The following DPP10 variants were observed in gnomAD, a reference collection of about 807,000 sequenced individuals.
DPP10 encodes dipeptidyl peptidase like 10, also known as inactive dipeptidyl peptidase 10.
Under a neutral mutation model 120.9 loss-of-function variants are expected in DPP10, and 33 were observed. That is an observed-to-expected ratio of 0.27 (90% CI 0.21 to 0.37). The LOEUF is 0.37. DPP10 is among the 10% of genes least tolerant of loss of function. The probability of loss-of-function intolerance (pLI) is 1.00; values close to 1 mark genes in which losing one functional copy is unlikely to be tolerated. For synonymous variants in DPP10, 337 were observed against 326.1 expected (o/e 1.03, Z -0.36); for missense variants, 816 against 942.8 (o/e 0.87, Z 1.76).
At chr2:115,587,243 T>G (rs1005820818) in intron 5 of DPP10, among the ~76,000 whole-genome samples, 12 of 151,880 alleles carry the variant, frequency 7.9e-5, no homozygotes, top group African/African-American at 2.9e-4. Flanking sequence ...GACAACAGGC[T>G]CCCGCGACCA....
chr2:115,486,444 T>A (rs1203951169), intron 3 of DPP10, among the ~76,000 whole-genome samples: 1 of 152,176 alleles, frequency 6.6e-6, no homozygotes, highest in Non-Finnish European at 1.5e-5. Flanking sequence ...TCTGCATGTA[T>A]CACTGCAGTG....
intron 1 of DPP10, among the ~76,000 whole-genome samples, chr2:114,925,142 C>T (rs1395626402): frequency 2.8e-5 from 4 of 141,650 alleles, no homozygotes; most frequent in Admixed American, 7.6e-5. Flanking sequence ...ACCTAGGAGG[C>T]AGAGGCTGCA....
intron 3 of DPP10, among the ~76,000 whole-genome samples, chr2:115,411,733 A>C (rs1275299219): frequency 6.6e-6 from 1 of 152,214 alleles, no homozygotes; most frequent in East Asian, 1.9e-4. Context: ...AGATTTTCAG[A>C]AAGTTCCTGG....
At chr2:114,568,447 A>G (rs1689380500) in intron 1 of DPP10, among the ~76,000 whole-genome samples, 2 of 152,212 alleles carry the variant, frequency 1.3e-5, no homozygotes, top group Admixed American at 6.5e-5. Flanking sequence ...CGAAGTACAC[A>G]GAGAATGCAA....
intron 1 of DPP10, among the ~76,000 whole-genome samples, chr2:114,941,256 A>G (rs1208223862): frequency 6.6e-6 from 1 of 152,172 alleles, no homozygotes; most frequent in African/African-American, 2.4e-5. Context: ...CTTAGGTACC[A>G]ATCTTGTTGT....
chr2:115,798,804 A>T lies in DPP10; in HGVS notation c.1700+7448A>T, dbSNP rs114902525. Among the ~76,000 whole-genome samples the T allele has an allele frequency of 2.7e-3, 416 of 152,208 alleles. 3 individuals carry two copies. Among genetic ancestry groups the T allele is most frequent in the African/African-American group, 9.8e-3 (406 of 41,554 alleles). On this transcript the variant is annotated intron_variant, in intron 19 of 25. Coordinates refer to ENST00000410059, the MANE Select transcript of DPP10 (RefSeq NM_020868.6). ...TTGGAATCATTCAGTCATTTTCAGC[A>T]TTGGACTTTAGCACTTGTTCTTCCT...
At chr2:114,663,656 TATATATATATATAG>T (rs1282433171) in intron 1 of DPP10, among the ~76,000 whole-genome samples, 1 of 95,098 alleles carries the variant, frequency 1.1e-5, no homozygotes, top group Admixed American at 9.5e-5. Context: ...TATATATATA[TATATATATATATAG>T]AGAGAGAGAG....
At chr2:115,450,299 T>C (rs1234032038) in intron 3 of DPP10, among the ~76,000 whole-genome samples, 1 of 151,974 alleles carries the variant, frequency 6.6e-6, no homozygotes, top group Admixed American at 6.6e-5. Flanking sequence ...TGGAAAAAGA[T>C]AAAAATTCAA....
chr2:114,899,898 G>T (rs1337276093), intron 1 of DPP10, among the ~76,000 whole-genome samples: 5 of 152,136 alleles, frequency 3.3e-5, no homozygotes, highest in Admixed American at 6.5e-5. Flanking sequence ...AGGTGGAGCT[G>T]GCAGTGAGCC....
intron 1 of DPP10, among the ~76,000 whole-genome samples, chr2:114,823,272 C>T (rs544340859): frequency 3.9e-5 from 6 of 152,158 alleles, no homozygotes; most frequent in African/African-American, 7.2e-5. Context: ...CCAAACAAAA[C>T]GGGAAGCCCT....
At chr2:115,544,913 T>G (rs1029896309) in intron 5 of DPP10, among the ~76,000 whole-genome samples, 1 of 152,116 alleles carries the variant, frequency 6.6e-6, no homozygotes, top group Admixed American at 6.6e-5. Context: ...AGAGGCTGTT[T>G]ATCCTCAGAA....
At chr2:115,004,511 G>A (rs1701671489) in intron 1 of DPP10, among the ~76,000 whole-genome samples, 1 of 152,164 alleles carries the variant, frequency 6.6e-6, no homozygotes, top group South Asian at 2.1e-4. Context: ...GTGGGTGCGT[G>A]CACCGTGCGC....
At chr2:115,043,220 A>G (rs968998142) in intron 1 of DPP10, among the ~76,000 whole-genome samples, 1 of 152,236 alleles carries the variant, frequency 6.6e-6, no homozygotes, top group South Asian at 2.1e-4. Flanking sequence ...TCTTTAAAAT[A>G]TAATGTAATG....
At chr2:115,800,766 G>A (rs1014835389) in intron 19 of DPP10, among the ~76,000 whole-genome samples, 7 of 152,086 alleles carry the variant, frequency 4.6e-5, no homozygotes, top group African/African-American at 1.7e-4. Flanking sequence ...CATTATTTCT[G>A]AGGCTCTGTT....
At chr2:115,002,859 T>C (rs116658648) in intron 1 of DPP10, among the ~76,000 whole-genome samples, 79 of 152,052 alleles carry the variant, frequency 5.2e-4, no homozygotes, top group African/African-American at 1.9e-3. Flanking sequence ...AGTCAAAAAT[T>C]AACAGATGCT....
At chr2:115,253,705 G>T (rs1449854180) in intron 1 of DPP10, among the ~76,000 whole-genome samples, 1 of 152,220 alleles carries the variant, frequency 6.6e-6, no homozygotes, top group Non-Finnish European at 1.5e-5. Context: ...AAGGCACACT[G>T]CTGCAAGGGG....
intron 1 of DPP10, among the ~76,000 whole-genome samples, chr2:115,289,499 A>AT (rs1192135414): frequency 0.17 from 2,132 of 12,200 alleles, 57 homozygotes; most frequent in East Asian, 0.28. Flanking sequence ...AAAAAAAAAA[A>AT]AAAAAGGAAG....
At chr2:115,163,157 G>T (rs931462076) in intron 1 of DPP10, among the ~76,000 whole-genome samples, 2 of 152,158 alleles carry the variant, frequency 1.3e-5, no homozygotes, top group Admixed American at 6.5e-5. Flanking sequence ...GAGCGCACGC[G>T]GCTAGGCTCC....
chr2:115,661,078 T>C (rs1440276234), intron 5 of DPP10, among the ~76,000 whole-genome samples: 3 of 151,968 alleles, frequency 2.0e-5, no homozygotes, highest in Admixed American at 2.0e-4. Context: ...GCCTCCCGAG[T>C]AGCTGGGATT....
Sources: allele counts gnomAD v4.1 joint callset (sites outside exome capture counted in the v4.1 genomes callset), GRCh38; gene constraint gnomAD v4.1.1; transcripts MANE v1.5; gene names NCBI Gene and HGNC (gene_info 2026-07-23, HGNC 2026-07-21).